Variants in TENM4 observed in about 807,000 individuals in gnomAD.
TENM4 encodes teneurin transmembrane protein 4.
TENM4 carries 82 observed loss-of-function variants against 243.3 expected under a neutral mutation model. The observed-to-expected ratio is 0.34, with a 90% CI of 0.28 to 0.40. TENM4 has a LOEUF of 0.40. Ranked by LOEUF, TENM4 falls within the 10% of genes least tolerant of loss-of-function variation. The probability of loss-of-function intolerance (pLI) is 1.00; values close to 1 mark genes in which losing one functional copy is unlikely to be tolerated. For missense variants in TENM4, 3,138 were observed against 3,673.3 expected, an observed-to-expected ratio of 0.85 and a Z score of 3.77; for synonymous variants, 1,412 against 1,456.3, an observed-to-expected ratio of 0.97 and a Z score of 0.69.
At chr11:78,694,149 GGCAAGGAAAAC>G (rs1475105633) in intron 28 of TENM4, among the ~76,000 whole-genome samples, 1 of 152,166 alleles carries the variant, frequency 6.6e-6, no homozygotes, top group Admixed American at 6.5e-5. Context: ...ATGCATGGCT[GGCAAGGAAAAC>G]GCCGAATTGC....
intron 12 of TENM4, among the ~76,000 whole-genome samples, chr11:78,851,928 TGGAGACTGAAAA>T (rs1425423929): frequency 1.3e-5 from 2 of 152,226 alleles, no homozygotes; most frequent in Non-Finnish European, 2.9e-5. Flanking sequence ...AAGTTTGTGC[TGGAGACTGAAAA>T]TGGAGCACAA....
chr11:79,283,436 C>A (rs1856194192), intron 2 of TENM4, among the ~76,000 whole-genome samples: 1 of 152,014 alleles, frequency 6.6e-6, no homozygotes, highest in African/African-American at 2.4e-5. Flanking sequence ...ATGTAATAGA[C>A]CACATTAAGA....
At chr11:78,660,262 G>T (rs2135628842) in intron 33 of TENM4, among the ~76,000 whole-genome samples, 1 of 152,328 alleles carries the variant, frequency 6.6e-6, no homozygotes, top group South Asian at 2.1e-4. Context: ...GAATTCTGCT[G>T]CTTTCAAACC....
chr11:79,333,607 C>A (rs1473494077), intron 1 of TENM4, among the ~76,000 whole-genome samples: 1 of 152,152 alleles, frequency 6.6e-6, no homozygotes, highest in Non-Finnish European at 1.5e-5. Flanking sequence ...TTCCCACAAG[C>A]AACTTTTCAA....
chr11:79,298,174 C>T (rs115630809), intron 1 of TENM4, among the ~76,000 whole-genome samples: 2,248 of 152,120 alleles, frequency 0.015, 58 homozygotes, highest in African/African-American at 0.051. Flanking sequence ...TACCTGAGCC[C>T]AGAAGAGTGA....
At chr11:78,733,326 G>A (rs1358527042) in intron 20 of TENM4, among the ~76,000 whole-genome samples, 1 of 152,158 alleles carries the variant, frequency 6.6e-6, no homozygotes, top group Non-Finnish European at 1.5e-5. Flanking sequence ...AGGATGCTGG[G>A]GAGGTCTGAG....
chr11:78,702,402 A>G lies in TENM4; in HGVS notation c.4211T>C (p.Val1404Ala). 1 of 1,608,912 alleles carries G rather than the reference A, an allele frequency of 6.2e-7. No individual in the cohort carries two copies. Among genetic ancestry groups the G allele is most frequent in the Non-Finnish European group, 8.5e-7 (1 of 1,177,018 alleles). The change falls in exon 28 of 34, where the codon GTT (valine) becomes GCT (alanine). Residue 1404 changes from valine (V) to alanine (A), a missense_variant and splice_region_variant. Val to Ala is a moderately conservative substitution (Grantham distance 64, BLOSUM62 0). Coordinates refer to ENST00000278550, the MANE Select transcript of TENM4 (RefSeq NM_001098816.3). ...SCDSVMDISQ[V>A]HLEWPTDLAI... ...TAAGTCTGTGGGCCACTCCAGGTGA[A>G]CCTGACAATGAAGACACCGATACTC... is the stretch of plus-strand genomic sequence containing the variant.
chr11:79,245,022 C>T (rs570646616), intron 2 of TENM4, among the ~76,000 whole-genome samples: 2 of 152,218 alleles, frequency 1.3e-5, no homozygotes, highest in Non-Finnish European at 2.9e-5. Context: ...GGAAGAATGG[C>T]TCTAAACTTC....
chr11:79,063,087 G>C (rs115332807), intron 6 of TENM4, among the ~76,000 whole-genome samples: 1,684 of 152,272 alleles, frequency 0.011, 20 homozygotes, highest in African/African-American at 0.022. Context: ...AGGCTCCCTA[G>C]GCGAACATGT....
chr11:79,125,612 C>T (rs2137144524), intron 4 of TENM4, among the ~76,000 whole-genome samples: 1 of 152,286 alleles, frequency 6.6e-6, no homozygotes. Flanking sequence ...AGTTTGTAAA[C>T]TCTGATGAAC....
intron 4 of TENM4, among the ~76,000 whole-genome samples, chr11:79,142,263 G>T (rs2135032969): frequency 6.6e-6 from 1 of 152,038 alleles, no homozygotes; most frequent in Non-Finnish European, 1.5e-5. Flanking sequence ...TTTTAGAACT[G>T]ATAAACAAAT....
chr11:78,952,801 G>A (rs1857131850), intron 6 of TENM4, among the ~76,000 whole-genome samples: 1 of 152,064 alleles, frequency 6.6e-6, no homozygotes, highest in Non-Finnish European at 1.5e-5. Context: ...AACTCCCCAG[G>A]TTGCTATTCT....
At chr11:78,783,383 G>A (rs1381445460) in intron 16 of TENM4, among the ~76,000 whole-genome samples, 1 of 152,204 alleles carries the variant, frequency 6.6e-6, no homozygotes, top group African/African-American at 2.4e-5. Context: ...GCAAGTGGGA[G>A]TATTAGTGCC....
chr11:79,220,553 C>G (rs539557228), intron 2 of TENM4, among the ~76,000 whole-genome samples: 84 of 152,194 alleles, frequency 5.5e-4, no homozygotes, highest in Non-Finnish European at 1.2e-3. Context: ...TTCTTCTAGT[C>G]TTAAATGTTC....
intron 18 of TENM4, among the ~76,000 whole-genome samples, 157 bp downstream of exon 18, chr11:78,770,835 T>C (rs549566164): frequency 6.6e-6 from 1 of 152,360 alleles, no homozygotes; most frequent in South Asian, 2.1e-4. Flanking sequence ...TATGCACTCA[T>C]CCCTAAGCCA....
At chr11:79,370,893 C>G (rs1857771835) in intron 1 of TENM4, among the ~76,000 whole-genome samples, 1 of 148,856 alleles carries the variant, frequency 6.7e-6, no homozygotes, top group Non-Finnish European at 1.5e-5. Flanking sequence ...AGATACTTAC[C>G]TAAAAGTGAC....
chr11:78,761,921 G>A (rs1003695509), intron 18 of TENM4, among the ~76,000 whole-genome samples: 5 of 152,082 alleles, frequency 3.3e-5, no homozygotes, highest in South Asian at 2.1e-4. Context: ...GATCCTGCAC[G>A]TCTCCCAGGC....
At chr11:79,048,382 C>T (rs1345217185) in intron 6 of TENM4, among the ~76,000 whole-genome samples, 4 of 152,222 alleles carry the variant, frequency 2.6e-5, no homozygotes, top group African/African-American at 9.6e-5. Flanking sequence ...ATTCTTCCTG[C>T]CTTCTACATA....
Position 79,438,596 on chromosome 11 carries a change from G to A in TENM4, c.-321+1913C>T, listed in dbSNP as rs956043371. Among the ~76,000 whole-genome samples, 7 of 152,192 alleles carry A rather than the reference G, an allele frequency of 4.6e-5. No homozygotes were observed. Among genetic ancestry groups the A allele is most frequent in the African/African-American group, 1.7e-4 (7 of 41,456 alleles). ...TCTCCAAGGGGGACCAGGCACCGCGGGCAGGTTTCTAAACACGTGAAGGGC... is the reference window on the plus strand; with the variant it reads ...TCTCCAAGGGGGACCAGGCACCGCGAGCAGGTTTCTAAACACGTGAAGGGC... On this transcript the variant is annotated intron_variant, in intron 1 of 33. Transcript: ENST00000278550. This position sits in a 1 kb window ranked among gnomAD's most constrained non-coding sequence, Gnocchi z 4.1.
Sources: gnomAD v4.1 joint callset for allele counts (sites outside exome capture counted in the v4.1 genomes callset) on GRCh38, gnomAD v4.1.1 for gene constraint, Gnocchi (gnomAD v3.1) non-coding constraint, MANE v1.5 for transcripts, NCBI Gene and HGNC (gene_info 2026-07-23, HGNC 2026-07-21) for gene names.